Variants in ARMC2 observed in about 807,000 individuals in gnomAD.
ARMC2 encodes the protein armadillo repeat-containing protein 2.
A neutral mutation model predicts 90.3 loss-of-function variants in ARMC2; 67 were observed. The observed-to-expected ratio is 0.74, with a 90% CI of 0.61 to 0.91. The LOEUF is 0.91. ARMC2 is among the 40% of genes least tolerant of loss of function. ARMC2 has a pLI of 0.00. For synonymous variants in ARMC2, 393 were observed against 393.0 expected, an observed-to-expected ratio of 1.00 and a Z score of 0.00; for missense variants, 920 against 1,030.9, an observed-to-expected ratio of 0.89 and a Z score of 1.47.
At chr6:108,906,012 T>A (rs936565561) in intron 8 of ARMC2, among the ~76,000 whole-genome samples, 1 of 152,198 alleles carries the variant, frequency 6.6e-6, no homozygotes, top group Non-Finnish European at 1.5e-5. Context: ...TCATAAGAAC[T>A]GTTGAAGAAG....
intron 5 of ARMC2, among the ~76,000 whole-genome samples, chr6:108,882,941 A>C (rs1777736649): frequency 6.6e-6 from 1 of 152,244 alleles, no homozygotes; most frequent in Admixed American, 6.5e-5. Context: ...TGAAGCTCAA[A>C]TGGACACATG....
chr6:108,989,505 CTATA>C, the ARMC2 span, among the ~76,000 whole-genome samples: 14 of 145,968 alleles, frequency 9.6e-5, no homozygotes, highest in African/African-American at 2.3e-4. Context: ...CTAGAGATAT[CTATA>C]TATATATAGA....
chr6:109,051,285 T>C, the ARMC2 span, among the ~76,000 whole-genome samples: 1 of 152,102 alleles, frequency 6.6e-6, no homozygotes, highest in Non-Finnish European at 1.5e-5. Context: ...ATCAGAATAT[T>C]ATAAAGATTT....
Position 108,912,572 on chromosome 6 carries a change from T to G in ARMC2, c.1350+14T>G. On this transcript the variant is annotated intron_variant, in intron 10 of 17. Coordinates refer to ENST00000392644, the MANE Select transcript of ARMC2 (RefSeq NM_032131.6). ...TTGCTAGTCCAGGTAAGTATTTTAC[T>G]TGAAAACGTTAGATGTGTAAAATTA... 6.3e-7 allele frequency: 1 copy of G among 1,593,930 alleles called. No individual in the cohort carries two copies. Among genetic ancestry groups the G allele is most frequent in the Non-Finnish European group, 8.6e-7 (1 of 1,164,988 alleles).
the ARMC2 span, among the ~76,000 whole-genome samples, chr6:109,026,495 G>T: frequency 2.0e-5 from 3 of 152,082 alleles, no homozygotes; most frequent in Non-Finnish European, 4.4e-5. Context: ...TATAATAGGT[G>T]TAGGTTTAAC....
chr6:109,046,654 C>A, the ARMC2 span, among the ~76,000 whole-genome samples: 1 of 139,238 alleles, frequency 7.2e-6, no homozygotes, highest in East Asian at 2.2e-4. Flanking sequence ...CTCTTCCCAG[C>A]CGCCATCACA....
chr6:109,039,358 C>T, the ARMC2 span, among the ~76,000 whole-genome samples: 1 of 152,182 alleles, frequency 6.6e-6, no homozygotes, highest in Admixed American at 6.5e-5. Flanking sequence ...CATTCTCAAA[C>T]ATGATTAACT....
chr6:108,991,852 G>A, the ARMC2 span, among the ~76,000 whole-genome samples: 1 of 152,124 alleles, frequency 6.6e-6, no homozygotes, highest in African/African-American at 2.4e-5. Flanking sequence ...ATCAGAAGTA[G>A]GAATCTTTAG....
intron 12 of ARMC2, among the ~76,000 whole-genome samples, chr6:108,945,318 A>G (rs1265427813): frequency 1.3e-5 from 2 of 152,070 alleles, no homozygotes; most frequent in Admixed American, 6.5e-5. Context: ...ACATGAAGGG[A>G]TTTTCCCCAT....
intron 11 of ARMC2, among the ~76,000 whole-genome samples, chr6:108,936,691 C>G (rs996040190): frequency 6.6e-6 from 1 of 152,146 alleles, no homozygotes; most frequent in African/African-American, 2.4e-5. Context: ...TGTAAGTTAC[C>G]TTTTAAATTT....
chr6:108,863,457 A>C (rs1404390041), intron 3 of ARMC2, among the ~76,000 whole-genome samples: 1 of 152,126 alleles, frequency 6.6e-6, no homozygotes, highest in Non-Finnish European at 1.5e-5. Flanking sequence ...TTTCCTTCTT[A>C]GCAGCTCCCA....
At chr6:108,937,819 C>T (rs146767849) in intron 12 of ARMC2, among the ~76,000 whole-genome samples, 4 of 152,090 alleles carry the variant, frequency 2.6e-5, no homozygotes, top group Non-Finnish European at 2.9e-5. Flanking sequence ...CTCAGCCTCC[C>T]GAGTAGCTGG....
intron 17 of ARMC2, 103 bp downstream of exon 17, chr6:108,965,243 A>G (rs997887348): frequency 8.8e-6 from 9 of 1,023,902 alleles, no homozygotes; most frequent in African/African-American, 7.9e-5. Flanking sequence ...TTAGGTGACT[A>G]TATTTCTATA....
chr6:108,906,072 A>G (rs1772661250), intron 8 of ARMC2, among the ~76,000 whole-genome samples: 1 of 152,212 alleles, frequency 6.6e-6, no homozygotes, highest in Non-Finnish European at 1.5e-5. Context: ...GTTTTTTACA[A>G]CTTCTCTCTG....
chr6:108,899,716 A>G lies in ARMC2; in HGVS notation c.771A>G (p.Glu257=). 1 of 1,613,724 alleles carries G rather than the reference A, an allele frequency of 6.2e-7. No homozygotes were observed. Among genetic ancestry groups the G allele is most frequent in the Non-Finnish European group, 8.5e-7 (1 of 1,179,780 alleles). ...TKAVPKADLQ[E]EDAEIEVDEV... ...CAGTCCCAAAAGCTGACCTGCAAGA[A>G]GAGGACGCAGAAATAGAAGTAGACG... is the stretch of plus-strand genomic sequence containing the variant. Residue 257 remains glutamate (E), a synonymous_variant, in exon 7 of 18, where the codon GAA becomes GAG. Transcript: ENST00000392644.
chr6:108,868,773 T>C, intron 3 of ARMC2, 51 bp from the exon 4 acceptor site: 1 of 1,570,972 alleles, frequency 6.4e-7, no homozygotes. Context: ...AGGTAAGTGT[T>C]ATTTGAGACG....
chr6:108,932,552 G>A (rs1367465893), intron 11 of ARMC2, among the ~76,000 whole-genome samples: 19 of 107,644 alleles, frequency 1.8e-4, no homozygotes, highest in African/African-American at 5.5e-4. Context: ...TTGTTGAGAC[G>A]GAGTCTTGCT....
the ARMC2 span, among the ~76,000 whole-genome samples, chr6:108,989,850 C>G: frequency 6.6e-6 from 1 of 152,060 alleles, no homozygotes; most frequent in African/African-American, 2.4e-5. Context: ...ACTGAAGTCT[C>G]CTATTGAGTT....
intron 8 of ARMC2, chr6:108,907,641 G>C: frequency 6.3e-7 from 1 of 1,594,766 alleles, no homozygotes; most frequent in Non-Finnish European, 8.6e-7. Context: ...TCGTGCTTGA[G>C]ATGCTTGTAG....
Sources: allele counts gnomAD v4.1 joint callset (sites outside exome capture counted in the v4.1 genomes callset), GRCh38; gene constraint gnomAD v4.1.1; transcripts MANE v1.5; gene names NCBI Gene and HGNC (gene_info 2026-07-23, HGNC 2026-07-21).